Variants in MAML1 observed in about 807,000 individuals in gnomAD.
The protein encoded by MAML1 is mastermind like transcriptional coactivator 1.
A neutral mutation model predicts 77.1 loss-of-function variants in MAML1; 14 were observed. The observed-to-expected ratio is 0.18, with a 90% CI of 0.12 to 0.28. MAML1 has a LOEUF of 0.28. Among genes scored for constraint, MAML1 ranks in the 10% least tolerant of loss-of-function variants. The probability of loss-of-function intolerance (pLI) is 1.00; values close to 1 mark genes in which losing one functional copy is unlikely to be tolerated. For missense variants in MAML1, 1,217 were observed against 1,327.8 expected, an observed-to-expected ratio of 0.92 and a Z score of 1.30; for synonymous variants, 516 against 551.9, an observed-to-expected ratio of 0.93 and a Z score of 0.91.
intron 1 of MAML1, among the ~76,000 whole-genome samples, chr5:179,754,714 C>T (rs1310738141): frequency 6.6e-6 from 1 of 152,160 alleles, no homozygotes. Context: ...CTGTGCCCCA[C>T]GCTTAGAGTT....
rs747142709 is a variant in MAML1, at chr5:179,774,182, A to G, written c.2356A>G (p.Asn786Asp). Reference protein sequence around the residue: ...NGHAHIPRQTNVGQNTSVSAA... With the variant: ...NGHAHIPRQTDVGQNTSVSAA... ...ACATGCCCACATTCCACGGCAGACC[A>G]ACGTGGGCCAGAACACCTCCGTCTC... The change falls in exon 5 of 5, where the codon AAC becomes GAC. Residue 786 changes from asparagine (N) to aspartate (D), a missense_variant. Around this residue, in one of 3 missense-constraint regions of MAML1, gnomAD observed 884 missense variants for 949.3 expected, o/e 0.93. Coordinates refer to ENST00000292599, the MANE Select transcript of MAML1 (RefSeq NM_014757.5). 1.9e-6 allele frequency: 3 copies of G among 1,613,496 alleles called. No individual in the cohort carries two copies. Among genetic ancestry groups the G allele is most frequent in the Admixed American group, 1.7e-5 (1 of 60,012 alleles).
At chr5:179,772,449 G>A (rs1756020565) in intron 4 of MAML1, among the ~76,000 whole-genome samples, 1 of 152,126 alleles carries the variant, frequency 6.6e-6, no homozygotes, top group Non-Finnish European at 1.5e-5. Flanking sequence ...TAGTAGAGAG[G>A]AAGAAGAACA....
intron 1 of MAML1, among the ~76,000 whole-genome samples, chr5:179,765,019 G>A (rs1235084477): frequency 6.9e-6 from 1 of 144,960 alleles, no homozygotes; most frequent in Non-Finnish European, 1.5e-5. Context: ...GTGTGTGTGT[G>A]TACTCTCTGG....
At chr5:179,739,137 C>T (rs764312581) in intron 1 of MAML1, among the ~76,000 whole-genome samples, 3 of 152,182 alleles carry the variant, frequency 2.0e-5, no homozygotes, top group African/African-American at 2.4e-5. Flanking sequence ...TCTGCGCATT[C>T]TGCATCTGCG....
Position 179,769,395 on chromosome 5 carries a change from C to T in MAML1, c.1971+306C>T, listed in dbSNP as rs969890830. Among the ~76,000 whole-genome samples, 3 of 152,086 alleles carry T rather than the reference C, an allele frequency of 2.0e-5. No individual in the cohort carries two copies. Among genetic ancestry groups the T allele is most frequent in the Non-Finnish European group, 4.4e-5 (3 of 68,018 alleles). On this transcript the variant is annotated intron_variant, in intron 3 of 4. Coordinates refer to ENST00000292599, the MANE Select transcript of MAML1 (RefSeq NM_014757.5). This position sits in a 1 kb window ranked among gnomAD's most constrained non-coding sequence, Gnocchi z 4.2. ...TCAGCAGCTTCCAAGCCACTGAGCT[C>T]ACGTGTCTGTCATTCCACTATGGAG... is the stretch of plus-strand genomic sequence containing the variant.
chr5:179,753,660 T>A lies in MAML1; in HGVS notation c.316-11666T>A, dbSNP rs201505896. 4.5e-3 allele frequency among the ~76,000 whole-genome samples: 477 copies of A among 105,406 alleles called. 4 individuals are homozygous for A. The highest frequency in any genetic ancestry group is 0.018 in the African/African-American group (452 of 24,436). 69.2% of individuals were successfully genotyped at this position (105,406 alleles called of 152,430 possible). A position where few individuals can be genotyped will look rare whatever the true frequency, so the allele number is the denominator to read the frequency against. Reference sequence around the variant, plus strand: ...TTGTTTTATTATTATTATTATTTTTTTTTTTTTTTTTTTTTTTGAGGCAGA... The same window carrying A: ...TTGTTTTATTATTATTATTATTTTTATTTTTTTTTTTTTTTTTGAGGCAGA... On this transcript the variant is annotated intron_variant, in intron 1 of 4. Coordinates refer to ENST00000292599, the MANE Select transcript of MAML1 (RefSeq NM_014757.5).
Position 179,748,053 on chromosome 5 carries a change from A to G in MAML1, c.315+14626A>G, listed in dbSNP as rs565664616. ...ATGAGTAAGTTCTACTTACACAACA[A>G]TGTGCATTTGGTTAACACTATTGCA... On this transcript the variant is annotated intron_variant, in intron 1 of 4. Transcript: ENST00000292599. Among the ~76,000 whole-genome samples, 7 of 152,202 alleles carry G rather than the reference A, an allele frequency of 4.6e-5. No homozygotes were observed. The South Asian group carries it at 1.0e-3, about 23-fold the overall frequency.
chr5:179,743,046 CTTTTTTTT>C, intron 1 of MAML1, among the ~76,000 whole-genome samples: 1 of 69,836 alleles, frequency 1.4e-5, no homozygotes, highest in Admixed American at 1.7e-4. Context: ...CCCCTTCACA[CTTTTTTTT>C]TTTTTTTTTT....
intron 1 of MAML1, among the ~76,000 whole-genome samples, chr5:179,735,121 G>A (rs11743232): frequency 0.28 from 42,703 of 152,032 alleles, 6,333 homozygotes; most frequent in Non-Finnish European, 0.34. Flanking sequence ...ACATGTATAC[G>A]TATGTAACTA....
At chr5:179,734,539 C>A (rs1163910849) in intron 1 of MAML1, among the ~76,000 whole-genome samples, 2 of 152,190 alleles carry the variant, frequency 1.3e-5, no homozygotes, top group South Asian at 2.1e-4. Flanking sequence ...AGAAAAAAAA[C>A]CACTCAGATT....
Position 179,766,657 on chromosome 5 carries a change from T to C in MAML1, c.1647T>C (p.His549=). The C allele has an allele frequency of 3.1e-6, 5 of 1,609,784 alleles. No individual in the cohort carries two copies. The highest frequency in any genetic ancestry group is 4.2e-6 in the Non-Finnish European group (5 of 1,177,674). ...CTTATCTTCCCCAGCAGCTGTCCCA[T>C]ATAAGTCACGAGCAGAACTCCCTGT... The part of the protein sequence containing the change: ...LMAYLPQQLS[H]ISHEQNSLFL... Residue 549 remains histidine, a synonymous_variant, in exon 2 of 5, where the codon CAT becomes CAC. Transcript: ENST00000292599. This position sits in a 1 kb window ranked among gnomAD's most constrained non-coding sequence, Gnocchi z 4.0.
rs755737129 is a variant in MAML1 at position 179,765,707 on chromosome 5, G to A, written c.697G>A (p.Gly233Ser). The A allele has an allele frequency of 1.1e-5, 18 of 1,613,868 alleles. No individual in the cohort carries two copies. The highest frequency in any genetic ancestry group is 1.3e-5 in the African/African-American group (1 of 74,910). Reference protein sequence around the residue: ...DLPCMITGTVGSISQSNLMPD... With the variant: ...DLPCMITGTVSSISQSNLMPD... Reference sequence around the variant, plus strand: ...GCCTTGCATGATCACTGGGACTGTCGGCTCCATATCGCAAAGCAACCTCAT... The same window carrying A: ...GCCTTGCATGATCACTGGGACTGTCAGCTCCATATCGCAAAGCAACCTCAT... Residue 233 changes from glycine (G) to serine (S), a missense_variant, in exon 2 of 5, where the codon GGC becomes AGC. This residue lies in a region of MAML1 where 312 missense variants were observed against 331.4 expected (regional missense o/e 0.94). Transcript: ENST00000292599.
intron 1 of MAML1, among the ~76,000 whole-genome samples, chr5:179,753,218 T>TGC (rs1398277021): frequency 9.4e-5 from 6 of 64,106 alleles, no homozygotes; most frequent in Middle Eastern, 7.2e-3. Flanking sequence ...TGTGTGTGTG[T>TGC]GTGTGCGCGC....
At position 179,766,872 on chromosome 5, in the gene MAML1, G is replaced by C. The variant is rs986455741; in HGVS notation, c.1731+131G>C. The C allele has an allele frequency of 4.4e-6, 3 of 682,000 alleles. No homozygotes were observed. The highest frequency in any genetic ancestry group is 3.6e-5 in the African/African-American group (2 of 55,020). The allele number at this position is 682,000 out of a possible 1,614,324, so 42.2% of individuals were successfully genotyped here. On this transcript the variant is annotated intron_variant, in intron 2 of 4. Coordinates refer to ENST00000292599, the MANE Select transcript of MAML1 (RefSeq NM_014757.5). This position sits in a 1 kb window ranked among gnomAD's most constrained non-coding sequence, Gnocchi z 4.0. ...GGAGGGAATAGCTGCTGTCATCCTT[G>C]CTCCTCTTGGGAGTGGAAATTTATA... is the stretch of plus-strand genomic sequence containing the variant.
intron 1 of MAML1, among the ~76,000 whole-genome samples, chr5:179,751,843 C>G (rs1277727511): frequency 6.6e-6 from 1 of 151,638 alleles, no homozygotes; most frequent in Non-Finnish European, 1.5e-5. Flanking sequence ...AAAACCCCAT[C>G]TTTACAAAAA....
Position 179,733,346 on chromosome 5 carries a change from C to T in MAML1, c.234C>T (p.Pro78=). 1 of 1,309,716 alleles carries T rather than the reference C, an allele frequency of 7.6e-7. No homozygotes were observed. The highest frequency in any genetic ancestry group is 9.8e-7 in the Non-Finnish European group (1 of 1,024,424). 81.1% of individuals were successfully genotyped at this position (1,309,716 alleles called of 1,614,324 possible). Residue 78 remains proline (P), a synonymous_variant, in exon 1 of 5, where the codon CCC becomes CCT. Transcript: ENST00000292599. The part of the protein sequence containing the change: ...AKRAGKHRQP[P]AATAPAPAAP... ...GCGCCGGGAAGCACAGGCAGCCGCC[C>T]GCCGCCACGGCCCCGGCGCCCGCCG...
chr5:179,774,462 C>T lies in MAML1; in HGVS notation c.2636C>T (p.Pro879Leu), dbSNP rs201474737. The part of the protein sequence containing the change: ...QQQAHLKMSS[P>L]QFSQAVPNRP... ...CAGGCCCACCTGAAAATGTCTAGCC[C>T]GCAATTCTCCCAGGCAGTGCCCAAC... is the stretch of plus-strand genomic sequence containing the variant. The change falls in exon 5 of 5, where the codon CCG (proline) becomes CTG (leucine). Residue 879 changes from proline (P) to leucine (L), a missense_variant. Physicochemically the swap from Pro to Leu is moderately conservative, Grantham distance 98. Transcript: ENST00000292599. 1.6e-5 allele frequency: 26 copies of T among 1,613,320 alleles called. No homozygotes were observed. The highest frequency in any genetic ancestry group is 5.3e-5 in the African/African-American group (4 of 75,072).
chr5:179,774,933 T>C lies in MAML1; in HGVS notation c.*56T>C. ...TTCATCCTATATTTTTATTCTCAGA[T>C]TCAAAGAAAGAGCAACTACTTTGGA... On this transcript the variant is annotated 3_prime_UTR_variant, in exon 5 of 5. Coordinates refer to ENST00000292599, the MANE Select transcript of MAML1 (RefSeq NM_014757.5). 1 of 1,522,250 alleles carries C rather than the reference T, an allele frequency of 6.6e-7. No individual in the cohort carries two copies. Among genetic ancestry groups the C allele is most frequent in the Non-Finnish European group, 8.8e-7 (1 of 1,138,530 alleles). 94.3% of individuals were successfully genotyped at this position (1,522,250 alleles called of 1,614,324 possible). A position where few individuals can be genotyped will look rare whatever the true frequency, so the allele number is the denominator to read the frequency against.
chr5:179,748,486 T>C (rs1332775101), intron 1 of MAML1, among the ~76,000 whole-genome samples: 2 of 152,176 alleles, frequency 1.3e-5, no homozygotes, highest in Non-Finnish European at 2.9e-5. Context: ...ATAAACCACA[T>C]GCCCTAAAAA....
Sources: gnomAD v4.1 joint callset for allele counts (sites outside exome capture counted in the v4.1 genomes callset) on GRCh38, gnomAD v4.1.1 for gene constraint, gnomAD v4.1.1 regional missense constraint, Gnocchi (gnomAD v3.1) non-coding constraint, MANE v1.5 for transcripts, NCBI Gene and HGNC (gene_info 2026-07-23, HGNC 2026-07-21) for gene names.